Variants in FXR2 observed in about 807,000 individuals in gnomAD.
FXR2 encodes the protein FMR1 autosomal homolog 2.
In FXR2, 9 loss-of-function variants were observed where a neutral mutation model predicts 87.3. The observed-to-expected ratio is 0.10, with a 90% CI of 0.06 to 0.18. The LOEUF (loss-of-function observed/expected upper bound fraction) is 0.18, where lower values mean the gene tolerates loss of function less well. FXR2 is among the 10% of genes least tolerant of loss of function. The pLI, the probability that FXR2 is intolerant of heterozygous loss-of-function variation, is 1.00. For synonymous variants in FXR2, 331 were observed against 328.3 expected (o/e 1.01, Z -0.09); for missense variants, 661 against 893.6 (o/e 0.74, Z 3.32).
chr17:7,612,644 G>A (rs1385526485), intron 1 of FXR2, among the ~76,000 whole-genome samples: 1 of 152,102 alleles, frequency 6.6e-6, no homozygotes, highest in East Asian at 1.9e-4. Flanking sequence ...TCACCGCAGA[G>A]AAATAAATCT....
chr17:7,599,604 TGGTGGCTG>T (rs1315109167), intron 7 of FXR2, among the ~76,000 whole-genome samples: 1 of 152,112 alleles, frequency 6.6e-6, no homozygotes, highest in African/African-American at 2.4e-5. Context: ...AGGCCAGGCG[TGGTGGCTG>T]ACACCTGTAA....
Position 7,593,651 on chromosome 17 carries a change from G to T in FXR2, c.1108-26C>A, listed in dbSNP as rs758726486. ...CTGGTTGGGTAAAAGATGGAAGAAG[G>T]GGAAGGAGAAATAAGATCAGTGCCT... On this transcript the variant is annotated intron_variant, in intron 11 of 16. Coordinates refer to ENST00000250113, the MANE Select transcript of FXR2 (RefSeq NM_004860.4). The surrounding 1 kb of genome is among the most constrained non-coding windows in gnomAD (Gnocchi z 6.1). 3 of 1,480,830 alleles carry T rather than the reference G, an allele frequency of 2.0e-6. No homozygotes were observed. Among genetic ancestry groups the T allele is most frequent in the Non-Finnish European group, 1.8e-6 (2 of 1,083,162 alleles). 91.7% of individuals were successfully genotyped at this position (1,480,830 alleles called of 1,614,324 possible).
chr17:7,604,624 G>A (rs1160186835), intron 3 of FXR2, among the ~76,000 whole-genome samples: 1 of 151,732 alleles, frequency 6.6e-6, no homozygotes, highest in Non-Finnish European at 1.5e-5. Flanking sequence ...CCAGGAGGTG[G>A]AGGTTGCAGT....
chr17:7,609,912 GTATATATACATGTATATGTA>G lies in FXR2; in HGVS notation c.82-3783_82-3764del, dbSNP rs1394824657. Among the ~76,000 whole-genome samples, 238 of 112,456 alleles carry G rather than the reference GTATATATACATGTATATGTA, an allele frequency of 2.1e-3. 2 individuals carry two copies. The highest frequency in any genetic ancestry group is 5.2e-3 in the East Asian group (15 of 2,886). The allele number at this position is 112,456 out of a possible 152,430, so 73.8% of individuals were successfully genotyped here. ...CATATATATACACATACATATATAT[GTATATATACATGTATATGTA>G]TATATATACATGTATATGTATACAT... On this transcript the variant is annotated intron_variant, in intron 1 of 16. Coordinates refer to ENST00000250113, the MANE Select transcript of FXR2 (RefSeq NM_004860.4).
Position 7,610,025 on chromosome 17 carries a change from T to C in FXR2, c.82-3876A>G, listed in dbSNP as rs531029306. On this transcript the variant is annotated intron_variant, in intron 1 of 16. Transcript: ENST00000250113. ...GTATACATATATATATACATGTATA[T>C]GTATACATGTATGTATATATATACA... Among the ~76,000 whole-genome samples the C allele has an allele frequency of 4.7e-4, 57 of 121,634 alleles. 2 individuals are homozygous for C. The highest frequency in any genetic ancestry group is 4.1e-3 in the Middle Eastern group (1 of 244). The allele number at this position is 121,634 out of a possible 152,430, so 79.8% of individuals were successfully genotyped here.
chr17:7,591,886 T>A lies in FXR2; in HGVS notation c.1966A>T (p.Asn656Tyr). Residue 656 changes from asparagine to tyrosine, a missense_variant, in exon 17 of 17, where the codon AAT (asparagine) becomes TAT (tyrosine). By Grantham distance (143) the Asn-to-Tyr change is moderately radical. Around this residue, in one of 3 missense-constraint regions of FXR2, gnomAD observed 409 missense variants for 432.0 expected, o/e 0.95. Coordinates refer to ENST00000250113, the MANE Select transcript of FXR2 (RefSeq NM_004860.4). The surrounding 1 kb of genome is among the most constrained non-coding windows in gnomAD (Gnocchi z 4.0). ...VSKLPKGPSE[N>Y]GELSAPLELG... ...TCCAAGGGGGCGGAGAGCTCCCCAT[T>A]CTCCGAGGGGCCCTTAGGAAGCTTG... The A allele has an allele frequency of 6.2e-7, 1 of 1,606,806 alleles. No homozygotes were observed. Among genetic ancestry groups the A allele is most frequent in the Non-Finnish European group, 8.5e-7 (1 of 1,173,504 alleles).
chr17:7,606,289 A>C, intron 1 of FXR2, 140 bp from the exon 2 acceptor site: 1 of 625,600 alleles, frequency 1.6e-6, no homozygotes, highest in South Asian at 1.9e-5. Flanking sequence ...GACAGCCTGA[A>C]AGGCTGCACT....
chr17:7,601,954 G>A (rs1354655911), intron 6 of FXR2, among the ~76,000 whole-genome samples: 1 of 152,132 alleles, frequency 6.6e-6, no homozygotes, highest in Admixed American at 6.6e-5. Context: ...AGCTAGGAAG[G>A]AGGAGACTCA....
At chr17:7,599,068 G>A (rs990147892) in intron 7 of FXR2, among the ~76,000 whole-genome samples, 1 of 151,686 alleles carries the variant, frequency 6.6e-6, no homozygotes, top group Non-Finnish European at 1.5e-5. Context: ...ACCCAGGAGC[G>A]AGAGGTTGCA....
intron 3 of FXR2, among the ~76,000 whole-genome samples, chr17:7,605,137 G>A (rs1196096926): frequency 6.6e-6 from 1 of 152,116 alleles, no homozygotes; most frequent in Non-Finnish European, 1.5e-5. Context: ...GGGAAGCTGA[G>A]GCGGGTGGAT....
At chr17:7,603,184 T>TAA (rs373560232) in intron 5 of FXR2, among the ~76,000 whole-genome samples, 182 bp from the exon 6 acceptor site, 8 of 135,610 alleles carry the variant, frequency 5.9e-5, no homozygotes, top group Middle Eastern at 3.4e-3. Flanking sequence ...CTGTCTCTAT[T>TAA]AAAAAAAAAA....
rs749320814 is a variant in FXR2 at position 7,595,085 on chromosome 17, C to G, written c.832-328G>C. ...GAGATTGTGCCACTGCACTCTAGCC[C>G]GGGCAACAGAGTGAGTTAGACTCCA... On this transcript the variant is annotated intron_variant, in intron 8 of 16. Transcript: ENST00000250113. The surrounding 1 kb of genome is among the most constrained non-coding windows in gnomAD (Gnocchi z 4.7). Among the ~76,000 whole-genome samples, 2 of 151,076 alleles carry G rather than the reference C, an allele frequency of 1.3e-5. No homozygotes were observed. Among genetic ancestry groups the G allele is most frequent in the African/African-American group, 4.9e-5 (2 of 41,072 alleles).
intron 7 of FXR2, among the ~76,000 whole-genome samples, chr17:7,598,676 C>T (rs1041607802): frequency 6.6e-6 from 1 of 151,192 alleles, no homozygotes; most frequent in Non-Finnish European, 1.5e-5. Context: ...CCAGCCTGGA[C>T]GACAGAATGA....
Position 7,595,838 on chromosome 17 carries a change from G to A in FXR2, c.817C>T (p.Arg273Cys). 1 of 1,613,684 alleles carries A rather than the reference G, an allele frequency of 6.2e-7. No homozygotes were observed. The highest frequency in any genetic ancestry group is 8.5e-7 in the Non-Finnish European group (1 of 1,179,720). The change falls in exon 8 of 17, where the codon CGC becomes TGC. Residue 273 changes from arginine (R) to cysteine (C), a missense_variant. Physicochemically the swap from Arg to Cys is radical, Grantham distance 180. This residue lies in a region of FXR2 where 82 missense variants were observed against 214.4 expected (regional missense o/e 0.38). Coordinates refer to ENST00000250113, the MANE Select transcript of FXR2 (RefSeq NM_004860.4). This position sits in a 1 kb window ranked among gnomAD's most constrained non-coding sequence, Gnocchi z 4.7. ...CCTTTGCTGACCTCCCCATAGATGC[G>A]GAAAGTGCAGGTCTCTTCACCCAAC... ...IELGEETCTF[R>C]IYGETPEACR... is the part of the protein sequence containing the mutation.
rs751303877 is a variant in FXR2 at position 7,604,092 on chromosome 17, T to C, written c.229-12A>G. On this transcript the variant is annotated splice_polypyrimidine_tract_variant and intron_variant, in intron 3 of 16. Coordinates refer to ENST00000250113, the MANE Select transcript of FXR2 (RefSeq NM_004860.4). ...GCTCGAGAATAAACCTAAAGAAAAG[T>C]AGAGAATCAAAGAGATATTGAAGAC... 7.1e-6 allele frequency: 11 copies of C among 1,553,228 alleles called. No individual in the cohort carries two copies. Among genetic ancestry groups the C allele is most frequent in the Admixed American group, 1.9e-5 (1 of 51,448 alleles).
chr17:7,610,935 A>C (rs568541959), intron 1 of FXR2, among the ~76,000 whole-genome samples: 1 of 152,190 alleles, frequency 6.6e-6, no homozygotes, highest in Non-Finnish European at 1.5e-5. Flanking sequence ...ATTGGTCCCC[A>C]CCTTCACCGT....
rs1390352746 is a variant in FXR2, at chr17:7,595,810, C to T, written c.831+14G>A. 1.9e-6 allele frequency: 3 copies of T among 1,608,922 alleles called. No individual in the cohort carries two copies. The highest frequency in any genetic ancestry group is 1.3e-5 in the African/African-American group (1 of 74,778). ...TCCCCTAAGAGACCCAGAAGAAAGA[C>T]ATCCTTTGCTGACCTCCCCATAGAT... On this transcript the variant is annotated intron_variant, in intron 8 of 16. Coordinates refer to ENST00000250113, the MANE Select transcript of FXR2 (RefSeq NM_004860.4). This position sits in a 1 kb window ranked among gnomAD's most constrained non-coding sequence, Gnocchi z 4.7.
At chr17:7,613,693 C>T (rs2071898280) in intron 1 of FXR2, among the ~76,000 whole-genome samples, 2 of 152,190 alleles carry the variant, frequency 1.3e-5, no homozygotes, top group Non-Finnish European at 2.9e-5. Flanking sequence ...TTACATGCCT[C>T]AAGACGAAGA....
intron 7 of FXR2, chr17:7,596,347 A>G (rs563762376): frequency 1.2e-5 from 2 of 163,466 alleles, no homozygotes; most frequent in South Asian, 3.0e-4. Flanking sequence ...TAGTAGAGAC[A>G]AGGTTTCACC....
Sources: gnomAD v4.1 joint callset for allele counts (sites outside exome capture counted in the v4.1 genomes callset) on GRCh38, gnomAD v4.1.1 for gene constraint, gnomAD v4.1.1 regional missense constraint, Gnocchi (gnomAD v3.1) non-coding constraint, MANE v1.5 for transcripts, NCBI Gene and HGNC (gene_info 2026-07-23, HGNC 2026-07-21) for gene names.